ANP32A: variants seen among roughly 807,000 people sequenced by gnomAD.
ANP32A encodes acidic nuclear phosphoprotein 32 family member A.
Under a neutral mutation model 33.9 loss-of-function variants are expected in ANP32A, and 1 was observed. The ratio of observed to expected loss-of-function variants is 0.03; its 90% confidence interval spans 0.01 to 0.14. The LOEUF (loss-of-function observed/expected upper bound fraction) is 0.14. Among genes scored for constraint, ANP32A ranks in the 10% least tolerant of loss-of-function variants. The probability of loss-of-function intolerance (pLI) is 1.00; values close to 1 mark genes in which losing one functional copy is unlikely to be tolerated. For synonymous variants in ANP32A, 115 were observed against 120.5 expected (o/e 0.95, Z 0.30); for missense variants, 155 against 306.0 (o/e 0.51, Z 3.68).
Position 68,782,752 on chromosome 15 carries a change from A to T in ANP32A, c.624+204T>A, listed in dbSNP as rs76797803. ...TCTAAAATCCTCTTCCCCTCTTCTA[A>T]TCCAGCCTCCCCAGAGCTTACTGCA... On this transcript the variant is annotated intron_variant, in intron 5 of 6. Coordinates refer to ENST00000465139, the MANE Select transcript of ANP32A (RefSeq NM_006305.4). The T allele has an allele frequency of 5.5e-3, 5,190 of 937,988 alleles. 178 individuals are homozygous for T. In the African/African-American group the frequency reaches 0.071, roughly 13 times the overall value. 58.1% of individuals were successfully genotyped at this position (937,988 alleles called of 1,614,324 possible). A position where few individuals can be genotyped will look rare whatever the true frequency, so the allele number is the denominator to read the frequency against.
chr15:68,798,831 T>G (rs774145439), intron 1 of ANP32A, among the ~76,000 whole-genome samples: 3 of 152,216 alleles, frequency 2.0e-5, no homozygotes, highest in Non-Finnish European at 4.4e-5. Context: ...CCTCCTTCCC[T>G]GCCACCTCTA....
At chr15:68,796,813 T>G (rs2140365087) in intron 1 of ANP32A, among the ~76,000 whole-genome samples, 1 of 152,276 alleles carries the variant, frequency 6.6e-6, no homozygotes, top group Admixed American at 6.5e-5. Flanking sequence ...AGTCCTCTAG[T>G]CCATACACTG....
chr15:68,791,392 C>T (rs766975787), intron 1 of ANP32A: 1 of 152,290 alleles, frequency 6.6e-6, no homozygotes, highest in Non-Finnish European at 1.5e-5. Flanking sequence ...ACTCTTACGA[C>T]GGGTAAGGAA....
At chr15:68,791,497 G>A (rs1893997642) in intron 1 of ANP32A, 1 of 152,654 alleles carries the variant, frequency 6.6e-6, no homozygotes, top group South Asian at 2.1e-4. Flanking sequence ...ACCCCTAGAG[G>A]TCTCTGCTCT....
chr15:68,780,478 G>A lies in ANP32A; in HGVS notation c.625-5C>T, dbSNP rs773658626. 2.5e-6 allele frequency: 4 copies of A among 1,613,710 alleles called. No homozygotes were observed. The African/African-American group carries it at 5.3e-5, about 22-fold the overall frequency. ...GTTATAACCTTCTTCATCCTCCTAGGAGAAAGGACAGACACCAGAACATTA... is the reference window on the plus strand; with the variant it reads ...GTTATAACCTTCTTCATCCTCCTAGAAGAAAGGACAGACACCAGAACATTA... On this transcript the variant is annotated splice_region_variant and splice_polypyrimidine_tract_variant and intron_variant, in intron 5 of 6. Coordinates refer to ENST00000465139, the MANE Select transcript of ANP32A (RefSeq NM_006305.4). This position sits in a 1 kb window ranked among gnomAD's most constrained non-coding sequence, Gnocchi z 4.3.
At chr15:68,804,220 G>A (rs767277392) in intron 1 of ANP32A, among the ~76,000 whole-genome samples, 25 of 152,168 alleles carry the variant, frequency 1.6e-4, no homozygotes, top group Admixed American at 5.2e-4. Flanking sequence ...AAGAGTCTAA[G>A]GTATTTCCAT....
Position 68,780,077 on chromosome 15 carries a change from C to T in ANP32A, c.*4G>A, listed in dbSNP as rs1358701433. 1 of 1,613,114 alleles carries T rather than the reference C, an allele frequency of 6.2e-7. No homozygotes were observed. The highest frequency in any genetic ancestry group is 8.5e-7 in the Non-Finnish European group (1 of 1,179,466). ...TAGGAATTTTTCAAAATAGGTTATT[C>T]CACTTAGTCATCATCTTCTCCCTCA... is the stretch of plus-strand genomic sequence containing the variant. On this transcript the variant is annotated 3_prime_UTR_variant, in exon 7 of 7. Transcript: ENST00000465139. This position sits in a 1 kb window ranked among gnomAD's most constrained non-coding sequence, Gnocchi z 4.3.
In ANP32A at chr15:68,778,866, T is replaced by A. The variant is rs1893827053; in HGVS notation, c.*1215A>T. On this transcript the variant is annotated 3_prime_UTR_variant, in exon 7 of 7. Transcript: ENST00000465139. Reference sequence around the variant, plus strand: ...TCATCTGGAATGCATCTTGAAAAGATCAATGGCCTGTTGGACTCAAAGAAG... The same window carrying A: ...TCATCTGGAATGCATCTTGAAAAGAACAATGGCCTGTTGGACTCAAAGAAG... 1 of 152,146 alleles carries A rather than the reference T, an allele frequency of 6.6e-6. No individual in the cohort carries two copies. Among genetic ancestry groups the A allele is most frequent in the Non-Finnish European group, 1.5e-5 (1 of 68,032 alleles). 9.4% of individuals were successfully genotyped at this position (152,146 alleles called of 1,614,324 possible).
At chr15:68,812,376 TG>T (rs1344185689) in intron 1 of ANP32A, among the ~76,000 whole-genome samples, 1 of 152,042 alleles carries the variant, frequency 6.6e-6, no homozygotes, top group African/African-American at 2.4e-5. Context: ...GAGAAGGGGC[TG>T]GGGGAACATG....
Position 68,780,335 on chromosome 15 carries a change from T to A in ANP32A, c.688+75A>T. 6.2e-7 allele frequency: 1 copy of A among 1,609,246 alleles called. No homozygotes were observed. Among genetic ancestry groups the A allele is most frequent in the South Asian group, 1.1e-5 (1 of 90,550 alleles). The stretch of plus-strand genomic sequence containing the variant: ...AGTGTCCTGCCCACTGCCAGGGGCC[T>A]CTGAGTCTAAGCAATCTAAGGCCAA... On this transcript the variant is annotated intron_variant, in intron 6 of 6. Coordinates refer to ENST00000465139, the MANE Select transcript of ANP32A (RefSeq NM_006305.4). The surrounding 1 kb of genome is among the most constrained non-coding windows in gnomAD (Gnocchi z 4.3).
At chr15:68,787,725 T>TGCCC in intron 2 of ANP32A, 45 bp downstream of exon 2, 4 of 1,597,678 alleles carry the variant, frequency 2.5e-6, no homozygotes, top group Non-Finnish European at 3.4e-6. Context: ...CCCTTCCCAC[T>TGCCC]CCCCACCCCC....
intron 1 of ANP32A, among the ~76,000 whole-genome samples, chr15:68,799,163 C>CAGTATATGTT (rs1596069400): frequency 1.3e-5 from 2 of 152,050 alleles, no homozygotes; most frequent in African/African-American, 4.8e-5. Flanking sequence ...GAAATGCTAG[C>CAGTATATGTT]AGTATATGTT....
intron 1 of ANP32A, among the ~76,000 whole-genome samples, chr15:68,820,201 A>C (rs997031380): frequency 2.0e-5 from 3 of 152,078 alleles, no homozygotes; most frequent in Middle Eastern, 3.4e-3. Context: ...AGCGAGCGAG[A>C]GAAAGGGAGG....
chr15:68,795,206 T>C (rs535176617), intron 1 of ANP32A, among the ~76,000 whole-genome samples: 1 of 152,194 alleles, frequency 6.6e-6, no homozygotes, highest in South Asian at 2.1e-4. Context: ...TAGACCCAGA[T>C]CTCCACACCT....
rs532381007 is a variant in ANP32A, at chr15:68,786,243, C to G, written c.327+1170G>C. Among the ~76,000 whole-genome samples, 19 of 145,830 alleles carry G rather than the reference C, an allele frequency of 1.3e-4. No individual in the cohort carries two copies. The South Asian group carries it at 4.2e-3, about 32-fold the overall frequency. The stretch of plus-strand genomic sequence containing the variant: ...TGATTCTAAGATGCCTGAGGTGCTG[C>G]TGCTGCTGCTTTTTTTTTTTTTTTT... On this transcript the variant is annotated intron_variant, in intron 3 of 6. Coordinates refer to ENST00000465139, the MANE Select transcript of ANP32A (RefSeq NM_006305.4).
chr15:68,811,896 C>G (rs917639529), intron 1 of ANP32A, among the ~76,000 whole-genome samples: 2 of 76,522 alleles, frequency 2.6e-5, no homozygotes, highest in East Asian at 8.0e-4. Context: ...GCCACGACAC[C>G]CGGCTGATTT....
Position 68,804,776 on chromosome 15 carries a change from G to A in ANP32A, c.54+15922C>T, listed in dbSNP as rs1318148553. 2.6e-5 allele frequency among the ~76,000 whole-genome samples: 4 copies of A among 152,220 alleles called. No homozygotes were observed. The East Asian group carries it at 5.8e-4, about 22-fold the overall frequency. Reference sequence around the variant, plus strand: ...GATCCACCTGCCTCGACCTCCCAACGTGCTGAGATTGTAGGCGTGAGCCGC... The same window carrying A: ...GATCCACCTGCCTCGACCTCCCAACATGCTGAGATTGTAGGCGTGAGCCGC... On this transcript the variant is annotated intron_variant, in intron 1 of 6. Coordinates refer to ENST00000465139, the MANE Select transcript of ANP32A (RefSeq NM_006305.4).
intron 1 of ANP32A, among the ~76,000 whole-genome samples, chr15:68,818,878 C>A (rs1447513773): frequency 6.6e-6 from 1 of 151,634 alleles, no homozygotes. Flanking sequence ...GGGTCCCGGC[C>A]GGGACGAAAG....
chr15:68,798,952 G>A (rs1894096387), intron 1 of ANP32A, among the ~76,000 whole-genome samples: 1 of 152,170 alleles, frequency 6.6e-6, no homozygotes, highest in Admixed American at 6.5e-5. Flanking sequence ...GGCAGAAATG[G>A]GAACCAATCA....
Sources: allele counts gnomAD v4.1 joint callset (sites outside exome capture counted in the v4.1 genomes callset), GRCh38; gene constraint gnomAD v4.1.1; non-coding constraint Gnocchi (gnomAD v3.1); transcripts MANE v1.5; gene names NCBI Gene and HGNC (gene_info 2026-07-23, HGNC 2026-07-21).